AK5: variants seen among roughly 807,000 people sequenced by gnomAD.
AK5 encodes the protein adenylate kinase 5, also known as adenylate kinase isoenzyme 5.
Under a neutral mutation model 69.5 loss-of-function variants are expected in AK5, and 27 were observed. The observed-to-expected ratio is 0.39, with a 90% CI of 0.29 to 0.54. The LOEUF is 0.54. AK5 is among the 20% of genes least tolerant of loss of function. AK5 has a pLI of 0.71. For missense variants in AK5, 531 were observed against 700.4 expected (o/e 0.76, Z 2.73); for synonymous variants, 260 against 244.4 (o/e 1.06, Z -0.60).
rs566124474 is a variant in AK5 at position 77,339,715 on chromosome 1, A to G, written c.700-662A>G. Among the ~76,000 whole-genome samples, 52 of 146,738 alleles carry G rather than the reference A, an allele frequency of 3.5e-4. No homozygotes were observed. In the East Asian group the frequency reaches 7.4e-3, roughly 21 times the overall value. On this transcript the variant is annotated intron_variant, in intron 5 of 13. Coordinates refer to ENST00000354567, the MANE Select transcript of AK5 (RefSeq NM_174858.3). ...GGCTGGAGTGCAATGGCACAATCTC[A>G]GCTCACTGCAACCTCCACCTCCCAG...
At chr1:77,368,245 A>ATATAATATATATATGTTATATATAT (rs1647043848) in intron 6 of AK5, among the ~76,000 whole-genome samples, 3 of 67,910 alleles carry the variant, frequency 4.4e-5, no homozygotes, top group East Asian at 7.8e-4. Context: ...ATATATATAT[A>ATATAATATATATATGTTATATATAT]TATATATAAT....
At chr1:77,304,189 C>T (rs1277860611) in intron 5 of AK5, among the ~76,000 whole-genome samples, 3 of 152,108 alleles carry the variant, frequency 2.0e-5, no homozygotes, top group African/African-American at 7.2e-5. Context: ...TTCCTGGCCT[C>T]TGATAACCAT....
At chr1:77,301,953 CTT>C (rs56957310) in intron 5 of AK5, among the ~76,000 whole-genome samples, 73 of 146,720 alleles carry the variant, frequency 5.0e-4, no homozygotes, top group East Asian at 6.0e-4. Flanking sequence ...CTATCCTCTC[CTT>C]TTTTTTTTTT....
chr1:77,413,506 A>T (rs541109285), intron 7 of AK5, among the ~76,000 whole-genome samples: 1 of 152,276 alleles, frequency 6.6e-6, no homozygotes, highest in South Asian at 2.1e-4. Flanking sequence ...AGGCCTGTCT[A>T]CAGTGTCTCC....
chr1:77,453,483 A>G (rs1006453358), intron 8 of AK5, among the ~76,000 whole-genome samples: 2 of 152,210 alleles, frequency 1.3e-5, no homozygotes, highest in African/African-American at 2.4e-5. Context: ...TAGTATTCCA[A>G]TGTAAGATTA....
At chr1:77,419,395 C>T (rs975872772) in intron 8 of AK5, among the ~76,000 whole-genome samples, 2 of 151,546 alleles carry the variant, frequency 1.3e-5, no homozygotes, top group African/African-American at 4.8e-5. Flanking sequence ...TCCACACCCC[C>T]CAAGAACTAG....
chr1:77,282,407 C>A (rs1658110228), intron 1 of AK5, 34 bp downstream of exon 1: 2 of 1,531,912 alleles, frequency 1.3e-6, no homozygotes, highest in South Asian at 1.2e-5. Context: ...GCGGTAGCAT[C>A]CGGGGACTGC....
At position 77,517,101 on chromosome 1, in the gene AK5, G is replaced by A. The variant is rs562136464; in HGVS notation, c.1148-1463G>A. 7.2e-5 allele frequency among the ~76,000 whole-genome samples: 11 copies of A among 151,854 alleles called. No homozygotes were observed. In the East Asian group the frequency reaches 7.7e-4, roughly 11 times the overall value. On this transcript the variant is annotated intron_variant, in intron 10 of 13. Transcript: ENST00000354567. ...AAAAAAAAGAAGAAGAAGAAATAGC[G>A]GGGAAAGATGCTGGAGAGGTAAAGT...
intron 8 of AK5, among the ~76,000 whole-genome samples, chr1:77,441,001 G>A (rs1652292603): frequency 6.6e-6 from 1 of 152,074 alleles, no homozygotes; most frequent in African/African-American, 2.4e-5. Context: ...CACCTGCCTT[G>A]GCCTCCCAAA....
In AK5 at chr1:77,400,933, TAAAAAA is replaced by T. The variant is rs71689422; in HGVS notation, c.892-10031_892-10026del. On this transcript the variant is annotated intron_variant, in intron 6 of 13. Coordinates refer to ENST00000354567, the MANE Select transcript of AK5 (RefSeq NM_174858.3). ...ATGATTTGTCCTTCTTTCATTCTGTTAAAAAAAAAAAAAAAAAAAAAAGTATGTTCC... is the reference window on the plus strand; with the variant it reads ...ATGATTTGTCCTTCTTTCATTCTGTTAAAAAAAAAAAAAAAAGTATGTTCC... Among the ~76,000 whole-genome samples, 699 of 115,300 alleles carry T rather than the reference TAAAAAA, an allele frequency of 6.1e-3. 4 individuals are homozygous for T. Among genetic ancestry groups the T allele is most frequent in the African/African-American group, 0.022 (666 of 30,862 alleles). 75.6% of individuals were successfully genotyped at this position (115,300 alleles called of 152,430 possible). A position where few individuals can be genotyped will look rare whatever the true frequency, so the allele number is the denominator to read the frequency against.
At chr1:77,372,817 A>G (rs1208240189) in intron 6 of AK5, among the ~76,000 whole-genome samples, 2 of 151,962 alleles carry the variant, frequency 1.3e-5, no homozygotes, top group Admixed American at 6.6e-5. Flanking sequence ...AGCATCTTGT[A>G]TATATGAGTT....
rs774433590 is a variant in AK5 at position 77,533,675 on chromosome 1, AT to A, written c.1429-2168del. ...AAAGCTACCTCTCTGCCCCGTGCTTATTTTGGTCTAAAAGGTCATTTGCTGC... is the reference window on the plus strand; with the variant it reads ...AAAGCTACCTCTCTGCCCCGTGCTTATTTGGTCTAAAAGGTCATTTGCTGC... On this transcript the variant is annotated intron_variant, in intron 12 of 13. Transcript: ENST00000354567. 5.1e-4 allele frequency among the ~76,000 whole-genome samples: 77 copies of A among 152,156 alleles called. 1 individual carries two copies. Among genetic ancestry groups the A allele is most frequent in the Non-Finnish European group, 5.0e-4 (34 of 67,996 alleles).
At chr1:77,318,213 T>A (rs957148386) in intron 5 of AK5, among the ~76,000 whole-genome samples, 2 of 152,026 alleles carry the variant, frequency 1.3e-5, no homozygotes, top group African/African-American at 2.4e-5. Context: ...CATGGCGGAA[T>A]CTTAAAGGGG....
chr1:77,374,821 G>GAA (rs536579604), intron 6 of AK5, among the ~76,000 whole-genome samples: 17 of 131,224 alleles, frequency 1.3e-4, no homozygotes, highest in South Asian at 2.4e-4. Context: ...CCCTGTCTCA[G>GAA]AAAAAAAAAA....
intron 6 of AK5, among the ~76,000 whole-genome samples, chr1:77,353,605 T>G (rs1057192776): frequency 1.3e-5 from 2 of 152,246 alleles, no homozygotes; most frequent in Non-Finnish European, 2.9e-5. Flanking sequence ...GCAGTCTTAC[T>G]CTTGCCTTAC....
At chr1:77,302,928 G>T (rs919203432) in intron 5 of AK5, among the ~76,000 whole-genome samples, 13 of 152,108 alleles carry the variant, frequency 8.5e-5, no homozygotes, top group African/African-American at 2.9e-4. Flanking sequence ...CATAACAGGG[G>T]TTATCAATTT....
intron 8 of AK5, among the ~76,000 whole-genome samples, chr1:77,456,263 G>A (rs1277126694): frequency 1.3e-5 from 2 of 152,190 alleles, no homozygotes; most frequent in African/African-American, 2.4e-5. Context: ...TGAGCCCTGT[G>A]GCAGATTTTA....
chr1:77,353,120 C>T (rs1417354996), intron 6 of AK5, among the ~76,000 whole-genome samples: 3 of 152,104 alleles, frequency 2.0e-5, no homozygotes, highest in Non-Finnish European at 4.4e-5. Context: ...TCCAGTGCAG[C>T]GCCAACTGAT....
chr1:77,371,521 G>A (rs547652305), intron 6 of AK5: 2 of 151,626 alleles, frequency 1.3e-5, no homozygotes, highest in South Asian at 4.2e-4. Flanking sequence ...TTTTTCTCAT[G>A]GCCACCCACC....
Sources: gnomAD v4.1 joint callset for allele counts (sites outside exome capture counted in the v4.1 genomes callset) on GRCh38, gnomAD v4.1.1 for gene constraint, MANE v1.5 for transcripts, NCBI Gene and HGNC (gene_info 2026-07-23, HGNC 2026-07-21) for gene names.